Variants in NAALADL2 observed in about 807,000 individuals in gnomAD.
NAALADL2 encodes the protein inactive N-acetylated-alpha-linked acidic dipeptidase-like protein 2.
A neutral mutation model predicts 87.2 loss-of-function variants in NAALADL2; 76 were observed. The observed-to-expected ratio is 0.87, with a 90% confidence interval of 0.72 to 1.05. NAALADL2 has a LOEUF of 1.05. Ranked by LOEUF, NAALADL2 falls within the 50% of genes least tolerant of loss-of-function variation. The pLI is 0.00. For synonymous variants in NAALADL2, 354 were observed against 331.0 expected, an observed-to-expected ratio of 1.07 and a Z score of -0.75; for missense variants, 1,089 against 945.8, an observed-to-expected ratio of 1.15 and a Z score of -1.99.
intron 2 of NAALADL2, among the ~76,000 whole-genome samples, chr3:174,627,333 A>T (rs767402456): frequency 9.9e-5 from 15 of 152,174 alleles, no homozygotes; most frequent in Admixed American, 1.3e-4. Flanking sequence ...ATGAAAAAAA[A>T]GTTCAGCATC....
intron 10 of NAALADL2, among the ~76,000 whole-genome samples, chr3:175,621,997 C>G (rs1726298796): frequency 6.6e-6 from 1 of 152,070 alleles, no homozygotes; most frequent in African/African-American, 2.4e-5. Flanking sequence ...TTTCAGTTTC[C>G]TATTATTGCT....
chr3:174,606,441 A>G (rs185546850), intron 2 of NAALADL2, among the ~76,000 whole-genome samples: 1 of 152,304 alleles, frequency 6.6e-6, no homozygotes, highest in Non-Finnish European at 1.5e-5. Context: ...AGACGAATGT[A>G]TAACTAGAAT....
intron 1 of NAALADL2, among the ~76,000 whole-genome samples, chr3:174,895,542 C>A (rs950337981): frequency 2.6e-5 from 4 of 152,062 alleles, no homozygotes; most frequent in Non-Finnish European, 4.4e-5. Context: ...AATACAAATT[C>A]TTCCAGTAAA....
intron 1 of NAALADL2, among the ~76,000 whole-genome samples, chr3:174,879,674 T>C (rs1415037308): frequency 1.3e-5 from 2 of 152,068 alleles, no homozygotes; most frequent in Non-Finnish European, 2.9e-5. Flanking sequence ...ATTCATAATT[T>C]TTTTTGGCCT....
intron 9 of NAALADL2, among the ~76,000 whole-genome samples, chr3:175,476,427 C>G (rs1448841090): frequency 6.6e-6 from 1 of 152,028 alleles, no homozygotes; most frequent in African/African-American, 2.4e-5. Flanking sequence ...ATGTGCTATC[C>G]TAGAATTCAC....
At chr3:174,925,472 A>G (rs1367433191) in intron 1 of NAALADL2, among the ~76,000 whole-genome samples, 1 of 152,178 alleles carries the variant, frequency 6.6e-6, no homozygotes, top group Non-Finnish European at 1.5e-5. Context: ...TGGTTACTGT[A>G]GCCTTGTAGT....
intron 3 of NAALADL2, among the ~76,000 whole-genome samples, chr3:174,829,040 C>T (rs375631300): frequency 2.6e-5 from 4 of 152,078 alleles, no homozygotes; most frequent in Admixed American, 6.6e-5. Context: ...CCCTGAGTTA[C>T]ATATTGAACT....
chr3:175,032,642 T>G (rs144998621), intron 1 of NAALADL2, among the ~76,000 whole-genome samples: 192 of 152,228 alleles, frequency 1.3e-3, no homozygotes, highest in Middle Eastern at 6.8e-3. Context: ...GATGTTTGCA[T>G]GTTCAAATGT....
rs555137564 is a variant in NAALADL2 at position 174,743,578 on chromosome 3, G to C, written c.-9+5832G>C. On this transcript the variant is annotated intron_variant, in intron 3 of 3. Coordinates refer to the NAALADL2 transcript ENST00000434257. ...GATGTCATTAGTTCTTTCTTTTCTA[G>C]ATTCCATTATTAAAGATGTATTGAA... Among the ~76,000 whole-genome samples, 10 of 151,814 alleles carry C rather than the reference G, an allele frequency of 6.6e-5. No homozygotes were observed. The South Asian group carries it at 2.1e-3, about 31-fold the overall frequency.
At chr3:174,880,363 G>A (rs951815541) in intron 1 of NAALADL2, among the ~76,000 whole-genome samples, 2 of 151,998 alleles carry the variant, frequency 1.3e-5, no homozygotes, top group Non-Finnish European at 2.9e-5. Flanking sequence ...GTAAAAACAA[G>A]CAAAAACAAA....
At chr3:175,683,575 T>C (rs762223289) in intron 11 of NAALADL2, among the ~76,000 whole-genome samples, 1 of 151,984 alleles carries the variant, frequency 6.6e-6, no homozygotes, top group Non-Finnish European at 1.5e-5. Context: ...TACTGATATA[T>C]ACAAGTTTCT....
intron 1 of NAALADL2, among the ~76,000 whole-genome samples, chr3:174,975,647 G>T (rs1342651591): frequency 6.6e-6 from 1 of 152,180 alleles, no homozygotes; most frequent in African/African-American, 2.4e-5. Flanking sequence ...ATGGTGATGG[G>T]CTAGTTGCTG....
chr3:174,695,324 C>A (rs1193325981), intron 2 of NAALADL2, among the ~76,000 whole-genome samples: 2 of 151,892 alleles, frequency 1.3e-5, no homozygotes, highest in South Asian at 2.1e-4. Flanking sequence ...CCACCAATGG[C>A]AGATGAAATA....
At chr3:175,035,615 T>C (rs1292194849) in intron 1 of NAALADL2, among the ~76,000 whole-genome samples, 1 of 150,996 alleles carries the variant, frequency 6.6e-6, no homozygotes, top group African/African-American at 2.5e-5. Context: ...AATATTGATA[T>C]AGCAATGAAT....
intron 13 of NAALADL2, among the ~76,000 whole-genome samples, chr3:175,788,097 T>G (rs1752327409): frequency 6.7e-6 from 1 of 149,142 alleles, no homozygotes; most frequent in Non-Finnish European, 1.5e-5. Flanking sequence ...TGTTTTTTTT[T>G]TTTTTTTTTT....
chr3:175,473,288 G>A (rs13064493), intron 9 of NAALADL2, among the ~76,000 whole-genome samples: 56,924 of 151,844 alleles, frequency 0.37, 13,059 homozygotes, highest in East Asian at 0.53. Flanking sequence ...TGACGTACAT[G>A]TCAACATGTA....
chr3:174,921,804 CA>C (rs546555666), intron 1 of NAALADL2, among the ~76,000 whole-genome samples: 107 of 42,402 alleles, frequency 2.5e-3, no homozygotes, highest in South Asian at 0.024. Flanking sequence ...GACTCCGTCT[CA>C]AAAAAAAAAA....
chr3:175,151,933 T>A (rs1374573779), intron 2 of NAALADL2, among the ~76,000 whole-genome samples: 1 of 152,214 alleles, frequency 6.6e-6, no homozygotes, highest in African/African-American at 2.4e-5. Context: ...TTTTATAACT[T>A]ATTCTATCAT....
intron 2 of NAALADL2, among the ~76,000 whole-genome samples, chr3:174,605,757 G>A (rs1718974801): frequency 2.0e-5 from 3 of 152,110 alleles, no homozygotes; most frequent in Admixed American, 6.5e-5. Flanking sequence ...AAAAAAAAAA[G>A]GACAGCAGTA....
Sources: allele counts gnomAD v4.1 joint callset (sites outside exome capture counted in the v4.1 genomes callset), GRCh38; gene constraint gnomAD v4.1.1; transcripts MANE v1.5; gene names NCBI Gene and HGNC (gene_info 2026-07-23, HGNC 2026-07-21).